The following ARHGAP19 variants were observed in gnomAD, a reference collection of about 807,000 sequenced individuals.
ARHGAP19 encodes the protein Rho GTPase activating protein 19.
In ARHGAP19, 48 loss-of-function variants were observed where a neutral mutation model predicts 60.9. The observed-to-expected ratio is 0.79, with a 90% CI of 0.62 to 1.00. The LOEUF is 1.00. Among genes scored for constraint, ARHGAP19 ranks in the 50% least tolerant of loss-of-function variants. The pLI is 0.00. For missense variants in ARHGAP19, 562 were observed against 597.2 expected (o/e 0.94, Z 0.61); for synonymous variants, 209 against 215.5 (o/e 0.97, Z 0.27).
intron 1 of ARHGAP19, among the ~76,000 whole-genome samples, chr10:97,271,338 T>C (rs2134900995): frequency 6.6e-6 from 1 of 151,722 alleles, no homozygotes; most frequent in African/African-American, 2.4e-5. Context: ...AATAAATAAA[T>C]AAATAGATAA....
chr10:97,248,208 A>C (rs1250452541), intron 6 of ARHGAP19, among the ~76,000 whole-genome samples: 1 of 152,074 alleles, frequency 6.6e-6, no homozygotes, highest in East Asian at 1.9e-4. Flanking sequence ...TGAGCCCAGG[A>C]GTTTGAGACC....
chr10:97,249,941 C>T (rs572087681), intron 6 of ARHGAP19, among the ~76,000 whole-genome samples: 18 of 151,928 alleles, frequency 1.2e-4, no homozygotes, highest in Non-Finnish European at 2.2e-4. Context: ...CCTGCCACCG[C>T]GCCTGGCTAA....
chr10:97,235,577 C>T (rs1842358195), intron 8 of ARHGAP19, among the ~76,000 whole-genome samples: 1 of 152,134 alleles, frequency 6.6e-6, no homozygotes, highest in South Asian at 2.1e-4. Flanking sequence ...AAAACTGAGA[C>T]TTGGAGAGCT....
chr10:97,291,425 C>G (rs1002193426), intron 1 of ARHGAP19, among the ~76,000 whole-genome samples: 14 of 152,192 alleles, frequency 9.2e-5, no homozygotes, highest in Admixed American at 6.6e-5. Flanking sequence ...TCCTGAGTAG[C>G]TGGGACTACA....
At chr10:97,278,210 C>G (rs930554095) in intron 1 of ARHGAP19, 1 of 153,298 alleles carries the variant, frequency 6.5e-6, no homozygotes, top group African/African-American at 2.4e-5. Context: ...CAGGATCTTT[C>G]GATTTCCAAA....
chr10:97,267,550 A>G (rs1007157884), intron 1 of ARHGAP19, among the ~76,000 whole-genome samples: 3 of 152,214 alleles, frequency 2.0e-5, no homozygotes, highest in Non-Finnish European at 4.4e-5. Context: ...CTTCTTCTGA[A>G]CTGCCCTAGC....
At chr10:97,270,554 T>C (rs1034379717) in intron 1 of ARHGAP19, 1 of 1,478,478 alleles carries the variant, frequency 6.8e-7, no homozygotes, top group Non-Finnish European at 9.2e-7. Context: ...TCTACAATAT[T>C]GTAAAACAAA....
At chr10:97,247,609 C>CAACTGG (rs1448131174) in intron 6 of ARHGAP19, among the ~76,000 whole-genome samples, 2 of 151,458 alleles carry the variant, frequency 1.3e-5, no homozygotes, top group African/African-American at 2.4e-5. Flanking sequence ...AACTTTCATA[C>CAACTGG]ATCCATACAA....
At chr10:97,252,202 G>C (rs899323017) in intron 6 of ARHGAP19, among the ~76,000 whole-genome samples, 1 of 152,010 alleles carries the variant, frequency 6.6e-6, no homozygotes. Context: ...AACTAGCCAG[G>C]TGTGGTGGCA....
chr10:97,245,331 A>G (rs1216244825), intron 7 of ARHGAP19, among the ~76,000 whole-genome samples: 1 of 151,990 alleles, frequency 6.6e-6, no homozygotes, highest in Non-Finnish European at 1.5e-5. Flanking sequence ...TTAAAACTCA[A>G]TACTCATATC....
intron 7 of ARHGAP19, among the ~76,000 whole-genome samples, chr10:97,245,763 C>T (rs867641344): frequency 6.6e-6 from 1 of 152,056 alleles, no homozygotes. Flanking sequence ...ATAAAATTGT[C>T]CTTTCGTTCC....
intron 1 of ARHGAP19, among the ~76,000 whole-genome samples, chr10:97,292,232 G>C (rs1031034925): frequency 6.6e-6 from 1 of 152,224 alleles, no homozygotes; most frequent in Non-Finnish European, 1.5e-5. Context: ...GTGTGCAACA[G>C]TGAGGAATTC....
intron 2 of ARHGAP19, chr10:97,265,399 T>G (rs1842884887): frequency 5.7e-6 from 1 of 176,366 alleles, no homozygotes; most frequent in Admixed American, 5.7e-5. Flanking sequence ...AGTGGGAGGC[T>G]GAAACAGAAG....
intron 8 of ARHGAP19, among the ~76,000 whole-genome samples, chr10:97,239,554 GTGTGT>G (rs1564713533): frequency 0.2 from 1,950 of 9,868 alleles, 44 homozygotes; most frequent in East Asian, 0.3. Flanking sequence ...GAGAGAGGGT[GTGTGT>G]GTGTGTGTGT....
At position 97,225,260 on chromosome 10, in the gene ARHGAP19, G is replaced by C. The variant is rs1850874091; in HGVS notation, c.*862C>G. On this transcript the variant is annotated 3_prime_UTR_variant, in exon 12 of 12. Coordinates refer to ENST00000358531, the MANE Select transcript of ARHGAP19 (RefSeq NM_032900.6). ...GATTTGGTTCAGAAGTATTACGTTG[G>C]CACCAGAGATGTTTTAGTCAAGAGG... 1 of 152,088 alleles carries C rather than the reference G, an allele frequency of 6.6e-6. No homozygotes were observed. 9.4% of individuals were successfully genotyped at this position (152,088 alleles called of 1,614,324 possible).
rs1434559616 is a variant in ARHGAP19, at chr10:97,224,359, A to C, written c.*1763T>G. 1 of 152,254 alleles carries C rather than the reference A, an allele frequency of 6.6e-6. No individual in the cohort carries two copies. Among genetic ancestry groups the C allele is most frequent in the Non-Finnish European group, 1.5e-5 (1 of 68,042 alleles). The allele number at this position is 152,254 out of a possible 1,614,324, so 9.4% of individuals were successfully genotyped here. ...AGAAAAAAAAAGTCAAATATTTAATAGAAACCTACGCAAACGAATTTGCTA... is the reference window on the plus strand; with the variant it reads ...AGAAAAAAAAAGTCAAATATTTAATCGAAACCTACGCAAACGAATTTGCTA... On this transcript the variant is annotated 3_prime_UTR_variant, in exon 12 of 12. Coordinates refer to ENST00000358531, the MANE Select transcript of ARHGAP19 (RefSeq NM_032900.6).
chr10:97,291,495 T>C (rs541319234), intron 1 of ARHGAP19, among the ~76,000 whole-genome samples: 2 of 152,264 alleles, frequency 1.3e-5, no homozygotes, highest in African/African-American at 4.8e-5. Flanking sequence ...GCTTTCATCA[T>C]GTTCGCCAGG....
Position 97,263,644 on chromosome 10 carries a change from A to C in ARHGAP19, c.404-15T>G. 6.2e-7 allele frequency: 1 copy of C among 1,612,766 alleles called. No individual in the cohort carries two copies. On this transcript the variant is annotated splice_polypyrimidine_tract_variant and intron_variant, in intron 3 of 11. Transcript: ENST00000358531. ...TACTCGCAAGTCTGTTTAGCATAAA[A>C]CAAAGCAGAGGACAGGCAAAAAGGA...
At chr10:97,278,157 A>C (rs992371943) in intron 1 of ARHGAP19, 9 of 153,358 alleles carry the variant, frequency 5.9e-5, no homozygotes, top group African/African-American at 1.9e-4. Flanking sequence ...CACTGAAACC[A>C]AAATACTATC....
Sources: gnomAD v4.1 joint callset for allele counts (sites outside exome capture counted in the v4.1 genomes callset) on GRCh38, gnomAD v4.1.1 for gene constraint, MANE v1.5 for transcripts, NCBI Gene and HGNC (gene_info 2026-07-23, HGNC 2026-07-21) for gene names.